The following GRIA2 variants were observed in gnomAD, a reference collection of about 807,000 sequenced individuals.
GRIA2 encodes the protein glutamate ionotropic receptor AMPA type subunit 2, also known as glutamate receptor 2.
GRIA2 carries 14 observed loss-of-function variants against 97.3 expected under a neutral mutation model. That is an observed-to-expected ratio of 0.14 (90% confidence interval 0.10 to 0.23). The LOEUF (loss-of-function observed/expected upper bound fraction) is 0.23, where lower values mean the gene tolerates loss of function less well. GRIA2 is among the 10% of genes least tolerant of loss of function. The pLI is 1.00. For missense variants in GRIA2, 558 were observed against 1,069.8 expected, an observed-to-expected ratio of 0.52 and a Z score of 6.67; for synonymous variants, 412 against 387.8, an observed-to-expected ratio of 1.06 and a Z score of -0.73.
At position 157,321,596 on chromosome 4, in the gene GRIA2, T is replaced by C; in HGVS notation, c.879T>C (p.Ile293=). 1.9e-6 allele frequency: 3 copies of C among 1,603,504 alleles called. No individual in the cohort carries two copies. Among genetic ancestry groups the C allele is most frequent in the Non-Finnish European group, 2.6e-6 (3 of 1,174,150 alleles). The change falls in exon 6 of 16, where the codon ATT becomes ATC. Residue 293 remains isoleucine, a synonymous_variant. Coordinates refer to ENST00000264426, the MANE Select transcript of GRIA2 (RefSeq NM_001083619.3). The stretch of plus-strand genomic sequence containing the variant: ...ACCCTGGAGCTCACACAACAACAAT[T>C]AAGGTTTGCTTTGGTTTCTGTCTTT... ...KEYPGAHTTT[I]KYTSALTYDA...
chr4:157,228,138 T>C (rs1293869338), intron 2 of GRIA2, among the ~76,000 whole-genome samples: 1 of 152,232 alleles, frequency 6.6e-6, no homozygotes, highest in African/African-American at 2.4e-5. Context: ...TAACTGTGTG[T>C]TCTTCACGAA....
At chr4:157,247,713 C>A (rs1730794877) in intron 2 of GRIA2, among the ~76,000 whole-genome samples, 2 of 151,948 alleles carry the variant, frequency 1.3e-5, no homozygotes, top group African/African-American at 2.4e-5. Flanking sequence ...TCAGAGTTAT[C>A]CAATGAATGT....
intron 2 of GRIA2, among the ~76,000 whole-genome samples, chr4:157,231,986 T>C (rs960889526): frequency 2.0e-5 from 3 of 152,232 alleles, no homozygotes; most frequent in Non-Finnish European, 4.4e-5. Flanking sequence ...TCATTGAGGC[T>C]AACTATTCAA....
intron 12 of GRIA2, among the ~76,000 whole-genome samples, chr4:157,344,293 A>G (rs1735675027): frequency 6.6e-6 from 1 of 152,192 alleles, no homozygotes; most frequent in African/African-American, 2.4e-5. Context: ...TCTTGTTTCT[A>G]TTCCTAAAAT....
chr4:157,290,140 C>G (rs368083285), intron 2 of GRIA2, among the ~76,000 whole-genome samples: 2 of 151,880 alleles, frequency 1.3e-5, no homozygotes, highest in East Asian at 3.9e-4. Context: ...TCATACTGTC[C>G]TTTTTCCCAA....
At chr4:157,269,339 G>A (rs997885005) in intron 2 of GRIA2, among the ~76,000 whole-genome samples, 11 of 152,058 alleles carry the variant, frequency 7.2e-5, no homozygotes, top group African/African-American at 2.7e-4. Flanking sequence ...TATCATAGTT[G>A]TTAATAAAGT....
chr4:157,301,823 C>T (rs1733628301), intron 2 of GRIA2, among the ~76,000 whole-genome samples: 1 of 151,882 alleles, frequency 6.6e-6, no homozygotes, highest in African/African-American at 2.4e-5. Flanking sequence ...GACTGGTTTC[C>T]AGTTTTTGGA....
intron 2 of GRIA2, among the ~76,000 whole-genome samples, chr4:157,257,478 A>G (rs1251329599): frequency 6.6e-6 from 1 of 152,114 alleles, no homozygotes; most frequent in South Asian, 2.1e-4. Flanking sequence ...AATATTATTC[A>G]TAATAGATGA....
At chr4:157,304,558 C>T (rs141718057) in intron 3 of GRIA2, among the ~76,000 whole-genome samples, 210 of 152,126 alleles carry the variant, frequency 1.4e-3, no homozygotes, top group African/African-American at 4.8e-3. Context: ...TTGTGTACTC[C>T]CTAAATTGTA....
chr4:157,316,347 T>A (rs1165204319), intron 4 of GRIA2, among the ~76,000 whole-genome samples: 3 of 152,194 alleles, frequency 2.0e-5, no homozygotes, highest in Admixed American at 6.5e-5. Context: ...GAAAACAATG[T>A]AAGTTTTAAC....
At position 157,272,485 on chromosome 4, in the gene GRIA2, T is replaced by G. The variant is rs571144318; in HGVS notation, c.230-31067T>G. 3.3e-3 allele frequency among the ~76,000 whole-genome samples: 509 copies of G among 152,020 alleles called. 3 individuals are homozygous for G. Among genetic ancestry groups the G allele is most frequent in the Non-Finnish European group, 5.6e-3 (383 of 67,978 alleles). On this transcript the variant is annotated intron_variant, in intron 2 of 15. Transcript: ENST00000264426. ...AAAACCTGGACTGTAATTGAAAAAT[T>G]GTTGCAGGCTCAGTGTGGATAAATC...
At chr4:157,304,199 A>G (rs955886204) in intron 3 of GRIA2, among the ~76,000 whole-genome samples, 6 of 152,214 alleles carry the variant, frequency 3.9e-5, no homozygotes, top group African/African-American at 1.4e-4. Context: ...AAGTTTTATC[A>G]GGCAGGTAGC....
At chr4:157,248,940 C>T (rs1384034997) in intron 2 of GRIA2, among the ~76,000 whole-genome samples, 3 of 151,592 alleles carry the variant, frequency 2.0e-5, no homozygotes, top group Non-Finnish European at 4.4e-5. Flanking sequence ...TGGAATCAAG[C>T]AATCCTCTCA....
At chr4:157,327,964 C>T (rs368896415) in intron 6 of GRIA2, among the ~76,000 whole-genome samples, 255 of 152,202 alleles carry the variant, frequency 1.7e-3, no homozygotes, top group African/African-American at 5.9e-3. Flanking sequence ...AGCTGGCAGA[C>T]TGGCGTTCAC....
intron 2 of GRIA2, among the ~76,000 whole-genome samples, chr4:157,285,226 C>T (rs1441669364): frequency 2.0e-5 from 3 of 151,460 alleles, no homozygotes; most frequent in Non-Finnish European, 1.5e-5. Context: ...AATGCAATGT[C>T]TCATGTCATT....
intron 2 of GRIA2, among the ~76,000 whole-genome samples, chr4:157,277,817 T>TGA (rs1267119717): frequency 2.1e-5 from 3 of 145,982 alleles, no homozygotes; most frequent in East Asian, 3.9e-4. Context: ...ATGTATGCTA[T>TGA]ATATATATGT....
At chr4:157,260,639 C>T (rs1000329677) in intron 2 of GRIA2, among the ~76,000 whole-genome samples, 5 of 152,020 alleles carry the variant, frequency 3.3e-5, no homozygotes, top group African/African-American at 9.7e-5. Flanking sequence ...GCATAAAACG[C>T]TAGAATATGT....
intron 2 of GRIA2, among the ~76,000 whole-genome samples, chr4:157,283,092 C>T (rs1192751325): frequency 1.3e-5 from 2 of 151,840 alleles, no homozygotes; most frequent in African/African-American, 4.8e-5. Context: ...AATATAAATG[C>T]TTTTCTAAAC....
chr4:157,296,748 G>C (rs1277333342), intron 2 of GRIA2, among the ~76,000 whole-genome samples: 1 of 152,102 alleles, frequency 6.6e-6, no homozygotes, highest in Non-Finnish European at 1.5e-5. Context: ...ATCATATTCA[G>C]TTGATGGCAA....
Sources: gnomAD v4.1 joint callset for allele counts (sites outside exome capture counted in the v4.1 genomes callset) on GRCh38, gnomAD v4.1.1 for gene constraint, MANE v1.5 for transcripts, NCBI Gene and HGNC (gene_info 2026-07-23, HGNC 2026-07-21) for gene names.